ZRANB3: variants seen among roughly 807,000 people sequenced by gnomAD.
The protein encoded by ZRANB3 is zinc finger RANBP2-type containing 3, also known as DNA annealing helicase and endonuclease ZRANB3.
Under a neutral mutation model 133.8 loss-of-function variants are expected in ZRANB3, and 125 were observed. That is an observed-to-expected ratio of 0.93 (90% confidence interval 0.81 to 1.08). The LOEUF is 1.08. ZRANB3 is among the 50% of genes least tolerant of loss of function. The pLI, the probability that ZRANB3 is intolerant of heterozygous loss-of-function variation, is 0.00. For synonymous variants in ZRANB3, 387 were observed against 432.7 expected, an observed-to-expected ratio of 0.89 and a Z score of 1.31; for missense variants, 1,229 against 1,275.5, an observed-to-expected ratio of 0.96 and a Z score of 0.56.
intron 8 of ZRANB3, among the ~76,000 whole-genome samples, chr2:135,288,915 CA>C (rs1385773031): frequency 7.4e-6 from 1 of 135,734 alleles, no homozygotes; most frequent in African/African-American, 3.4e-5. Context: ...TGTGTTGTTT[CA>C]ATTTCATTTA....
intron 17 of ZRANB3, among the ~76,000 whole-genome samples, chr2:135,209,916 T>C (rs1297949040): frequency 2.6e-5 from 4 of 152,208 alleles, no homozygotes; most frequent in African/African-American, 4.8e-5. Flanking sequence ...TAAACAGGTT[T>C]CCTTTTTTAA....
chr2:135,522,543 T>A (rs925765925), intron 1 of ZRANB3, among the ~76,000 whole-genome samples: 1 of 152,130 alleles, frequency 6.6e-6, no homozygotes, highest in African/African-American at 2.4e-5. Context: ...CTCACGCCTG[T>A]AATCCCAGCA....
At chr2:135,409,932 G>A (rs1688225957) in intron 2 of ZRANB3, among the ~76,000 whole-genome samples, 1 of 152,022 alleles carries the variant, frequency 6.6e-6, no homozygotes, top group African/African-American at 2.4e-5. Flanking sequence ...GTAGTGAAAG[G>A]AAAGATCTCT....
intron 3 of ZRANB3, among the ~76,000 whole-genome samples, chr2:135,374,174 A>T (rs59661610): frequency 0.1 from 15,848 of 152,222 alleles, 1,094 homozygotes; most frequent in South Asian, 0.32. Flanking sequence ...TGAAAGGCCA[A>T]GGTGGGCGGA....
Position 135,491,975 on chromosome 2 carries a change from C to T in ZRANB3, c.161+12354G>A, listed in dbSNP as rs150413889. Among the ~76,000 whole-genome samples, 388 of 152,082 alleles carry T rather than the reference C, an allele frequency of 2.6e-3. 3 individuals are homozygous for T. The highest frequency in any genetic ancestry group is 8.0e-3 in the African/African-American group (331 of 41,498). On this transcript the variant is annotated intron_variant, in intron 2 of 20. Coordinates refer to ENST00000264159, the MANE Select transcript of ZRANB3 (RefSeq NM_032143.4). ...TATAACTGGGAATAAGAAAACAATA[C>T]GTAATAAAATAGAGAACAGAGTATA...
At chr2:135,287,319 T>C (rs1203277300) in intron 8 of ZRANB3, among the ~76,000 whole-genome samples, 1 of 152,222 alleles carries the variant, frequency 6.6e-6, no homozygotes, top group African/African-American at 2.4e-5. Flanking sequence ...TTGGTGACTA[T>C]AACCTTACAG....
intron 2 of ZRANB3, among the ~76,000 whole-genome samples, chr2:135,434,903 C>A (rs1463383360): frequency 6.6e-6 from 1 of 151,788 alleles, no homozygotes; most frequent in East Asian, 1.9e-4. Context: ...AAATTTTAGG[C>A]AAATGCAGCA....
At chr2:135,360,472 A>G (rs555561583) in intron 3 of ZRANB3, among the ~76,000 whole-genome samples, 25 of 151,898 alleles carry the variant, frequency 1.6e-4, no homozygotes, top group South Asian at 4.2e-4. Context: ...TTGGGAGGCC[A>G]AGGTGGGCGG....
At chr2:135,472,131 C>T (rs987515084) in intron 2 of ZRANB3, among the ~76,000 whole-genome samples, 3 of 152,198 alleles carry the variant, frequency 2.0e-5, no homozygotes, top group Non-Finnish European at 4.4e-5. Context: ...ACAAAACATA[C>T]TGTCATAGAT....
intron 3 of ZRANB3, among the ~76,000 whole-genome samples, chr2:135,354,253 T>C (rs547802460): frequency 6.6e-6 from 1 of 152,288 alleles, no homozygotes; most frequent in South Asian, 2.1e-4. Context: ...GTAAATGTCT[T>C]AACAGCACAA....
At chr2:135,407,833 T>C (rs545098816) in intron 2 of ZRANB3, among the ~76,000 whole-genome samples, 2,454 of 106,176 alleles carry the variant, frequency 0.023, 138 homozygotes, top group African/African-American at 0.085. Flanking sequence ...CAAGATGGAT[T>C]AAAGACTTAC....
At chr2:135,209,394 T>G (rs1694008618) in intron 17 of ZRANB3, among the ~76,000 whole-genome samples, 1 of 152,218 alleles carries the variant, frequency 6.6e-6, no homozygotes, top group South Asian at 2.1e-4. Context: ...TCAAGGCTTC[T>G]CCAAATCACC....
At chr2:135,507,509 T>C (rs151325887) in intron 1 of ZRANB3, among the ~76,000 whole-genome samples, 12 of 152,278 alleles carry the variant, frequency 7.9e-5, no homozygotes, top group African/African-American at 1.4e-4. Context: ...GAAAACCATG[T>C]CCACTTTCCA....
chr2:135,301,519 A>G (rs547077779), intron 8 of ZRANB3, among the ~76,000 whole-genome samples: 1 of 151,878 alleles, frequency 6.6e-6, no homozygotes, highest in Admixed American at 6.6e-5. Context: ...TGGTCTCACT[A>G]TGTTGCCCAG....
intron 3 of ZRANB3, among the ~76,000 whole-genome samples, chr2:135,379,256 T>C (rs1202641006): frequency 6.6e-6 from 1 of 152,178 alleles, no homozygotes; most frequent in Non-Finnish European, 1.5e-5. Context: ...AGCAGGCAGG[T>C]GACACTGATT....
intron 2 of ZRANB3, among the ~76,000 whole-genome samples, chr2:135,443,353 G>T (rs1352240308): frequency 6.8e-6 from 1 of 147,894 alleles, no homozygotes; most frequent in Non-Finnish European, 1.5e-5. Context: ...GGAGTGTCGG[G>T]GGGGACACAT....
At chr2:135,470,161 C>G (rs1691192316) in intron 2 of ZRANB3, among the ~76,000 whole-genome samples, 1 of 150,890 alleles carries the variant, frequency 6.6e-6, no homozygotes, top group Non-Finnish European at 1.5e-5. Context: ...CCCATCTCTA[C>G]TAAAAATACA....
intron 1 of ZRANB3, among the ~76,000 whole-genome samples, chr2:135,512,131 A>G (rs975229014): frequency 5.3e-5 from 8 of 152,254 alleles, no homozygotes; most frequent in African/African-American, 1.9e-4. Flanking sequence ...AATATTGGCT[A>G]GGGAAATTTA....
intron 2 of ZRANB3, among the ~76,000 whole-genome samples, chr2:135,470,271 C>G (rs1691197496): frequency 6.6e-6 from 1 of 151,690 alleles, no homozygotes; most frequent in Admixed American, 6.6e-5. Flanking sequence ...CTGCAGTGAG[C>G]CGAGATTGAG....
Sources: gnomAD v4.1 joint callset for allele counts (sites outside exome capture counted in the v4.1 genomes callset) on GRCh38, gnomAD v4.1.1 for gene constraint, MANE v1.5 for transcripts, NCBI Gene and HGNC (gene_info 2026-07-23, HGNC 2026-07-21) for gene names.